CAMKMT: variants seen among roughly 807,000 people sequenced by gnomAD.
CAMKMT encodes the protein calmodulin-lysine N-methyltransferase, also known as CaM KMT.
In CAMKMT, 53 loss-of-function variants were observed where a neutral mutation model predicts 48.0. The ratio of observed to expected loss-of-function variants is 1.10; its 90% CI spans 0.89 to 1.39. The LOEUF is 1.39. CAMKMT is among the 40% of genes most tolerant of loss of function. The pLI is 0.00. For synonymous variants in CAMKMT, 165 were observed against 152.3 expected (o/e 1.08, Z -0.61); for missense variants, 428 against 402.7 (o/e 1.06, Z -0.54).
intron 3 of CAMKMT, among the ~76,000 whole-genome samples, chr2:44,637,673 C>G (rs1271964577): frequency 6.6e-6 from 1 of 151,942 alleles, no homozygotes. Context: ...GGTGTGATTG[C>G]TTTGTTAAGA....
At chr2:44,697,610 T>G (rs1352511121) in intron 3 of CAMKMT, among the ~76,000 whole-genome samples, 3 of 152,110 alleles carry the variant, frequency 2.0e-5, no homozygotes, top group African/African-American at 7.2e-5. Context: ...CAATCATAGT[T>G]TACTACATAG....
chr2:44,557,648 G>C (rs530357575), intron 3 of CAMKMT, among the ~76,000 whole-genome samples: 1 of 152,266 alleles, frequency 6.6e-6, no homozygotes, highest in South Asian at 2.1e-4. Context: ...TCTCTTTAGA[G>C]AAGCTTGAGA....
intron 3 of CAMKMT, among the ~76,000 whole-genome samples, chr2:44,415,647 A>T (rs1458484178): frequency 6.6e-6 from 1 of 152,348 alleles, no homozygotes; most frequent in Middle Eastern, 3.4e-3. Flanking sequence ...AGTGAAATCT[A>T]TAATGAAATC....
chr2:44,390,315 A>G lies in CAMKMT; in HGVS notation c.376+10A>G, dbSNP rs1485497676. On this transcript the variant is annotated intron_variant, in intron 3 of 10. Coordinates refer to ENST00000378494, the MANE Select transcript of CAMKMT (RefSeq NM_024766.5). The stretch of plus-strand genomic sequence containing the variant: ...AATACAGGAAATGTTTGTAAGTTAT[A>G]CATTCACTCTATAGAAATATATTTA... The G allele has an allele frequency of 6.4e-6, 10 of 1,558,578 alleles. No individual in the cohort carries two copies. Among genetic ancestry groups the G allele is most frequent in the Non-Finnish European group, 8.8e-6 (10 of 1,138,898 alleles).
intron 3 of CAMKMT, among the ~76,000 whole-genome samples, chr2:44,474,446 CAAAAA>C: frequency 1.7e-5 from 1 of 58,028 alleles, no homozygotes; most frequent in Non-Finnish European, 3.6e-5. Context: ...GACTCCGTCT[CAAAAA>C]AAAAAAAAAA....
intron 3 of CAMKMT, among the ~76,000 whole-genome samples, chr2:44,594,687 A>T (rs560702544): frequency 6.6e-6 from 1 of 152,148 alleles, no homozygotes; most frequent in African/African-American, 2.4e-5. Context: ...ACTTAAATGT[A>T]AGACCTAAAA....
chr2:44,683,045 G>A (rs1401993620), intron 3 of CAMKMT, among the ~76,000 whole-genome samples: 1 of 152,140 alleles, frequency 6.6e-6, no homozygotes, highest in Non-Finnish European at 1.5e-5. Context: ...TTCTGGAGAA[G>A]GGGGTCACTA....
At chr2:44,463,736 C>T (rs1667965033) in intron 3 of CAMKMT, among the ~76,000 whole-genome samples, 1 of 152,136 alleles carries the variant, frequency 6.6e-6, no homozygotes, top group Admixed American at 6.6e-5. Flanking sequence ...GAAAAAGAAA[C>T]TGACAAACTT....
intron 3 of CAMKMT, among the ~76,000 whole-genome samples, chr2:44,630,709 A>C (rs1387954499): frequency 6.6e-6 from 1 of 150,996 alleles, no homozygotes; most frequent in Non-Finnish European, 1.5e-5. Flanking sequence ...ATCATCTCAC[A>C]CCAGTTAGAA....
intron 7 of CAMKMT, chr2:44,723,646 AAAT>A (rs1678613767): frequency 6.9e-6 from 1 of 144,770 alleles, no homozygotes. Context: ...ATAAATAAAT[AAAT>A]AAATAAAATA....
intron 3 of CAMKMT, among the ~76,000 whole-genome samples, chr2:44,648,844 A>G (rs1673900498): frequency 6.6e-6 from 1 of 152,198 alleles, no homozygotes; most frequent in Non-Finnish European, 1.5e-5. Context: ...TAAATATACA[A>G]TCTAAGTAAA....
chr2:44,496,237 A>C (rs1669745942), intron 3 of CAMKMT, among the ~76,000 whole-genome samples: 1 of 152,212 alleles, frequency 6.6e-6, no homozygotes, highest in African/African-American at 2.4e-5. Flanking sequence ...GGCTTTTTAA[A>C]TGAATTGATC....
chr2:44,529,917 T>G (rs1321505785), intron 3 of CAMKMT, among the ~76,000 whole-genome samples: 1 of 152,208 alleles, frequency 6.6e-6, no homozygotes, highest in Non-Finnish European at 1.5e-5. Flanking sequence ...AAATACAATG[T>G]TCCAGTGCAG....
At chr2:44,362,185 A>C in intron 1 of CAMKMT, 40 bp downstream of exon 1, 1 of 1,414,434 alleles carries the variant, frequency 7.1e-7, no homozygotes, top group Non-Finnish European at 9.2e-7. Context: ...GCCTCTGGTC[A>C]CTCCTCTCTC....
intron 3 of CAMKMT, among the ~76,000 whole-genome samples, chr2:44,473,300 G>A (rs1027342378): frequency 3.9e-5 from 6 of 152,200 alleles, no homozygotes; most frequent in Non-Finnish European, 8.8e-5. Context: ...AACCTCATTA[G>A]TAGATTTTAC....
chr2:44,363,754 A>G (rs1415815314), intron 1 of CAMKMT, among the ~76,000 whole-genome samples: 1 of 148,544 alleles, frequency 6.7e-6, no homozygotes, highest in Non-Finnish European at 1.5e-5. Context: ...CAATGGCGCA[A>G]TCTCGGCTCA....
intron 3 of CAMKMT, among the ~76,000 whole-genome samples, chr2:44,407,770 A>T: frequency 6.6e-6 from 1 of 152,162 alleles, no homozygotes; most frequent in East Asian, 1.9e-4. Context: ...TAAAATAATG[A>T]TAGGCAGCTG....
chr2:44,688,596 A>G (rs1410834994), intron 3 of CAMKMT, among the ~76,000 whole-genome samples: 4 of 152,024 alleles, frequency 2.6e-5, no homozygotes, highest in African/African-American at 9.7e-5. Flanking sequence ...GGTTTAGACT[A>G]AACCCCAATG....
intron 3 of CAMKMT, chr2:44,456,547 A>C: frequency 6.5e-7 from 1 of 1,549,628 alleles, no homozygotes; most frequent in Non-Finnish European, 8.7e-7. Context: ...TTTTCTATAC[A>C]TGTCATCCTT....
Sources: gnomAD v4.1 joint callset for allele counts (sites outside exome capture counted in the v4.1 genomes callset) on GRCh38, gnomAD v4.1.1 for gene constraint, MANE v1.5 for transcripts, NCBI Gene and HGNC (gene_info 2026-07-23, HGNC 2026-07-21) for gene names.